AQR: variants seen among roughly 807,000 people sequenced by gnomAD.
AQR encodes the protein aquarius intron-binding spliceosomal factor, also known as RNA helicase aquarius.
In AQR, 61 loss-of-function variants were observed where a neutral mutation model predicts 180.5. The observed-to-expected ratio is 0.34, with a 90% confidence interval of 0.28 to 0.42. AQR has a LOEUF of 0.42. AQR is among the 10% of genes least tolerant of loss of function. The pLI, the probability that AQR is intolerant of heterozygous loss-of-function variation, is 1.00. For missense variants in AQR, 1,281 were observed against 1,798.3 expected, an observed-to-expected ratio of 0.71 and a Z score of 5.20; for synonymous variants, 551 against 588.8, an observed-to-expected ratio of 0.94 and a Z score of 0.93.
chr15:34,867,411 C>A, intron 32 of AQR, 113 bp downstream of exon 32: 2 of 840,906 alleles, frequency 2.4e-6, no homozygotes, highest in Non-Finnish European at 1.9e-6. Flanking sequence ...CAAAAGTTGC[C>A]TAGTAATTAT....
rs148382858 is a variant in AQR, at chr15:34,894,834, A to G, written c.2461-1061T>C. On this transcript the variant is annotated intron_variant, in intron 22 of 34. Coordinates refer to ENST00000156471, the MANE Select transcript of AQR (RefSeq NM_014691.3). Reference sequence around the variant, plus strand: ...TAAATATATTGCAAATCCCTAAAGCAGCCACTAAGAAAACACTACACCCAA... The same window carrying G: ...TAAATATATTGCAAATCCCTAAAGCGGCCACTAAGAAAACACTACACCCAA... Among the ~76,000 whole-genome samples, 19 of 152,120 alleles carry G rather than the reference A, an allele frequency of 1.2e-4. No individual in the cohort carries two copies. The East Asian group carries it at 3.7e-3, about 30-fold the overall frequency.
At chr15:34,943,728 AT>A (rs1386956292) in intron 6 of AQR, among the ~76,000 whole-genome samples, 1 of 152,224 alleles carries the variant, frequency 6.6e-6, no homozygotes, top group Non-Finnish European at 1.5e-5. Flanking sequence ...GAAAGCTCAA[AT>A]AAAATATTAC....
At chr15:34,962,753 G>C (rs946652934) in intron 2 of AQR, among the ~76,000 whole-genome samples, 1 of 151,046 alleles carries the variant, frequency 6.6e-6, no homozygotes, top group Non-Finnish European at 1.5e-5. Flanking sequence ...TGGGTGACAA[G>C]AGCGAGACTC....
At chr15:34,963,727 G>A (rs969868123) in intron 2 of AQR, among the ~76,000 whole-genome samples, 4 of 150,136 alleles carry the variant, frequency 2.7e-5, no homozygotes, top group East Asian at 1.9e-4. Flanking sequence ...GCAGTGGTGC[G>A]ATCTCGACTC....
At position 34,854,767 on chromosome 15, in the gene AQR, A is replaced by G. The variant is rs2140453972; in HGVS notation, c.*2025T>C. The G allele has an allele frequency of 6.6e-6, 1 of 152,344 alleles. No individual in the cohort carries two copies. The highest frequency in any genetic ancestry group is 2.1e-4 in the South Asian group (1 of 4,830). The allele number at this position is 152,344 out of a possible 1,614,324, so 9.4% of individuals were successfully genotyped here. Reference sequence around the variant, plus strand: ...AAAAGTATGGTCACTCATCTAGGCAAGAGTGATGTACATTGCTTGGACAAT... The same window carrying G: ...AAAAGTATGGTCACTCATCTAGGCAGGAGTGATGTACATTGCTTGGACAAT... On this transcript the variant is annotated 3_prime_UTR_variant, in exon 35 of 35. Transcript: ENST00000156471.
chr15:34,855,183 T>C lies in AQR; in HGVS notation c.*1609A>G, dbSNP rs1404099440. 2.0e-5 allele frequency: 3 copies of C among 152,354 alleles called. No homozygotes were observed. The highest frequency in any genetic ancestry group is 4.4e-5 in the Non-Finnish European group (3 of 68,032). The allele number at this position is 152,354 out of a possible 1,614,324, so 9.4% of individuals were successfully genotyped here. A position where few individuals can be genotyped will look rare whatever the true frequency, so the allele number is the denominator to read the frequency against. On this transcript the variant is annotated 3_prime_UTR_variant, in exon 35 of 35. Coordinates refer to ENST00000156471, the MANE Select transcript of AQR (RefSeq NM_014691.3). The stretch of plus-strand genomic sequence containing the variant: ...ACACAAATGTCCTGATGCAGTAGGA[T>C]ACATCATAAAATGAGAGTCTGTACC...
intron 27 of AQR, among the ~76,000 whole-genome samples, chr15:34,877,819 T>C (rs1013874973): frequency 6.6e-6 from 1 of 152,176 alleles, no homozygotes; most frequent in Non-Finnish European, 1.5e-5. Context: ...ACATATTACA[T>C]GTTGGGTTGG....
At chr15:34,880,722 G>A (rs1892960747) in intron 27 of AQR, among the ~76,000 whole-genome samples, 2 of 152,164 alleles carry the variant, frequency 1.3e-5, no homozygotes, top group Non-Finnish European at 2.9e-5. Flanking sequence ...AAGGAAAGGT[G>A]CACGCACACA....
At position 34,856,351 on chromosome 15, in the gene AQR, T is replaced by C; in HGVS notation, c.*441A>G. 1 of 393,108 alleles carries C rather than the reference T, an allele frequency of 2.5e-6. No individual in the cohort carries two copies. Among genetic ancestry groups the C allele is most frequent in the Non-Finnish European group, 4.5e-6 (1 of 223,364 alleles). 24.4% of individuals were successfully genotyped at this position (393,108 alleles called of 1,614,324 possible). ...TTTACATAAAGACAGCAAACAAAGG[T>C]AAGAAAAAAGGAAACAGAATTTAAG... On this transcript the variant is annotated 3_prime_UTR_variant, in exon 35 of 35. Coordinates refer to ENST00000156471, the MANE Select transcript of AQR (RefSeq NM_014691.3).
At position 34,882,457 on chromosome 15, in the gene AQR, G is replaced by C. The variant is rs771334086; in HGVS notation, c.3165+45C>G. On this transcript the variant is annotated intron_variant, in intron 27 of 34. Transcript: ENST00000156471. ...CTTCATAAGAAGTGAGCCAATCTCT[G>C]ATAATCTTAAAAAAAAAAAAAAAAA... 4.9e-5 allele frequency: 62 copies of C among 1,267,914 alleles called. No individual in the cohort carries two copies. The Middle Eastern group carries it at 8.4e-4, about 17-fold the overall frequency. The allele number at this position is 1,267,914 out of a possible 1,614,324, so 78.5% of individuals were successfully genotyped here. A position where few individuals can be genotyped will look rare whatever the true frequency, so the allele number is the denominator to read the frequency against.
At chr15:34,967,811 C>CT (rs200102998) in intron 1 of AQR, among the ~76,000 whole-genome samples, 7,787 of 151,360 alleles carry the variant, frequency 0.051, 275 homozygotes, top group African/African-American at 0.1. Flanking sequence ...TTAAAGATTT[C>CT]TTTTTTTTTG....
In AQR at chr15:34,902,085, G is replaced by T. The variant is rs761168605; in HGVS notation, c.2002-1222C>A. On this transcript the variant is annotated intron_variant, in intron 19 of 34. Transcript: ENST00000156471. The stretch of plus-strand genomic sequence containing the variant: ...GGATGCAGGGGACACTTAACATTAG[G>T]AAAGGTTTCATGGAGGAAAGTGGCA... Among the ~76,000 whole-genome samples the T allele has an allele frequency of 3.3e-5, 5 of 152,284 alleles. No homozygotes were observed. The South Asian group carries it at 1.0e-3, about 32-fold the overall frequency.
chr15:34,910,256 A>C lies in AQR; in HGVS notation c.1542T>G (p.Ile514Met), dbSNP rs1893479414. The C allele has an allele frequency of 1.2e-6, 2 of 1,614,106 alleles. No individual in the cohort carries two copies. Among genetic ancestry groups the C allele is most frequent in the Non-Finnish European group, 1.7e-6 (2 of 1,180,048 alleles). ...CCACTTCAACGACAGTGAAAGCCAC[A>C]ATGGGCTGGGCCATTCGCGCCCAAC... is the stretch of plus-strand genomic sequence containing the variant. ...FGGWARMAQPIVAFTVVEVAK... is the reference protein window; with the variant it reads ...FGGWARMAQPMVAFTVVEVAK... The change falls in exon 17 of 35, where the codon ATT becomes ATG. Residue 514 changes from isoleucine to methionine, a missense_variant. By Grantham distance (10) the Ile-to-Met change is conservative (BLOSUM62 1). Around this residue, in one of 9 missense-constraint regions of AQR, gnomAD observed 200 missense variants for 293.4 expected, o/e 0.68. Coordinates refer to ENST00000156471, the MANE Select transcript of AQR (RefSeq NM_014691.3).
At chr15:34,884,431 C>A in intron 26 of AQR, 94 bp downstream of exon 26, 3 of 1,142,814 alleles carry the variant, frequency 2.6e-6, no homozygotes, top group Non-Finnish European at 2.4e-6. Context: ...AACAAAAAAA[C>A]AAAAGATTTG....
chr15:34,967,306 G>A (rs2050315083), intron 1 of AQR, among the ~76,000 whole-genome samples: 2 of 152,138 alleles, frequency 1.3e-5, no homozygotes, highest in Non-Finnish European at 2.9e-5. Flanking sequence ...ATGTCACCTC[G>A]GAGAGAACTT....
At chr15:34,957,701 CAAAAAAACATA>C (rs1894341072) in intron 3 of AQR, among the ~76,000 whole-genome samples, 1 of 105,938 alleles carries the variant, frequency 9.4e-6, no homozygotes, top group Non-Finnish European at 2.0e-5. Flanking sequence ...AACTCCGTCT[CAAAAAAACATA>C]AAAAAAACAT....
intron 3 of AQR, among the ~76,000 whole-genome samples, chr15:34,959,702 C>T (rs2140507764): frequency 6.6e-6 from 1 of 152,362 alleles, no homozygotes; most frequent in East Asian, 1.9e-4. Flanking sequence ...ACATCTGCCA[C>T]ATCCAAACAT....
intron 3 of AQR, among the ~76,000 whole-genome samples, chr15:34,956,694 C>CATAAAAA (rs1390575879): frequency 6.5e-5 from 1 of 15,362 alleles, no homozygotes; most frequent in African/African-American, 1.2e-4. Flanking sequence ...AGTAAGAAGT[C>CATAAAAA]AGAAAAAAAA....
chr15:34,915,720 T>G (rs1595796002), intron 15 of AQR, among the ~76,000 whole-genome samples: 1 of 151,504 alleles, frequency 6.6e-6, no homozygotes. Context: ...CCGAGGCCGG[T>G]GGATCACCTG....
Sources: gnomAD v4.1 joint callset for allele counts (sites outside exome capture counted in the v4.1 genomes callset) on GRCh38, gnomAD v4.1.1 for gene constraint, gnomAD v4.1.1 regional missense constraint, MANE v1.5 for transcripts, NCBI Gene and HGNC (gene_info 2026-07-23, HGNC 2026-07-21) for gene names.